NAV2: variants seen among roughly 807,000 people sequenced by gnomAD.
NAV2 encodes helicase, APC down-regulated 1.
NAV2 carries 54 observed loss-of-function variants against 223.2 expected under a neutral mutation model. The observed-to-expected ratio is 0.24, with a 90% CI of 0.19 to 0.30. NAV2 has a LOEUF of 0.30. Among genes scored for constraint, NAV2 ranks in the 10% least tolerant of loss-of-function variants. NAV2 has a pLI of 1.00. For synonymous variants in NAV2, 1,279 were observed against 1,239.3 expected (o/e 1.03, Z -0.67); for missense variants, 2,806 against 3,147.5 (o/e 0.89, Z 2.60).
At chr11:20,116,698 C>T (rs1186255780) in intron 37 of NAV2, among the ~76,000 whole-genome samples, 1 of 152,236 alleles carries the variant, frequency 6.6e-6, no homozygotes, top group Non-Finnish European at 1.5e-5. Context: ...CAGATTTCTC[C>T]TTCCAACCCC....
Position 19,998,322 on chromosome 11 carries a change from C to CA in NAV2, c.2768+14076dup, listed in dbSNP as rs1219326680. Reference sequence around the variant, plus strand: ...CTCCCTCTCCTTCTCTCTCATTGGCCATGGTGCAGGGGTCTAGGCTGCCGT... The same window carrying CA: ...CTCCCTCTCCTTCTCTCTCATTGGCCAATGGTGCAGGGGTCTAGGCTGCCGT... On this transcript the variant is annotated intron_variant, in intron 11 of 37. Coordinates refer to ENST00000349880, the MANE Select transcript of NAV2 (RefSeq NM_145117.5). This position sits in a 1 kb window ranked among gnomAD's most constrained non-coding sequence, Gnocchi z 5.0. Among the ~76,000 whole-genome samples the CA allele has an allele frequency of 3.3e-5, 5 of 151,946 alleles. No individual in the cohort carries two copies. The highest frequency in any genetic ancestry group is 7.4e-5 in the Non-Finnish European group (5 of 67,986).
chr11:19,746,083 G>A (rs1288089582), intron 1 of NAV2, among the ~76,000 whole-genome samples: 2 of 152,210 alleles, frequency 1.3e-5, no homozygotes, highest in Non-Finnish European at 2.9e-5. Flanking sequence ...GAGAAGAGAA[G>A]TGATTTGTCC....
intron 6 of NAV2, among the ~76,000 whole-genome samples, chr11:19,899,801 C>T (rs1025155992): frequency 5.3e-5 from 8 of 152,182 alleles, no homozygotes; most frequent in African/African-American, 1.7e-4. Flanking sequence ...GAAAGAATGA[C>T]TTGTCCTGCC....
At chr11:19,441,742 T>C (rs1851410638) in intron 1 of NAV2, among the ~76,000 whole-genome samples, 2 of 152,130 alleles carry the variant, frequency 1.3e-5, no homozygotes, top group Non-Finnish European at 2.9e-5. Context: ...GCAGACAATT[T>C]ATCGGAGCCC....
At chr11:19,684,844 G>A (rs2016188) in intron 1 of NAV2, among the ~76,000 whole-genome samples, 15,533 of 152,242 alleles carry the variant, frequency 0.1, 924 homozygotes, top group South Asian at 0.15. Context: ...CATCCCTATG[G>A]GCTCAAGAGC....
At chr11:19,441,884 C>T (rs191734308) in intron 1 of NAV2, among the ~76,000 whole-genome samples, 3 of 152,306 alleles carry the variant, frequency 2.0e-5, no homozygotes, top group Admixed American at 2.0e-4. Flanking sequence ...TCTGGGAGCT[C>T]TCCTCTGGAC....
At chr11:19,897,122 C>G (rs1387495502) in intron 6 of NAV2, among the ~76,000 whole-genome samples, 1 of 151,922 alleles carries the variant, frequency 6.6e-6, no homozygotes. Flanking sequence ...TCTCAGCAAA[C>G]TATCACAAGG....
At position 19,639,403 on chromosome 11, in the gene NAV2, C is replaced by A. The variant is rs144478809; in HGVS notation, c.76-193081C>A. Among the ~76,000 whole-genome samples the A allele has an allele frequency of 7.9e-5, 12 of 152,318 alleles. No homozygotes were observed. In the East Asian group the frequency reaches 2.1e-3, roughly 27 times the overall value. ...GGGGCCCCTGGAGCCCCCTCCACCA[C>A]CATCACCATAACTATTTTTAAGTTC... is the stretch of plus-strand genomic sequence containing the variant. On this transcript the variant is annotated intron_variant, in intron 1 of 37. Coordinates refer to the NAV2 transcript ENST00000360655.
At chr11:19,991,606 A>G (rs578098642) in intron 11 of NAV2, among the ~76,000 whole-genome samples, 1 of 152,384 alleles carries the variant, frequency 6.6e-6, no homozygotes, top group African/African-American at 2.4e-5. Flanking sequence ...ATAAACGAGT[A>G]TAGCATTAAG....
intron 1 of NAV2, among the ~76,000 whole-genome samples, chr11:19,436,892 G>GTC (rs1851236295): frequency 6.6e-6 from 1 of 151,972 alleles, no homozygotes; most frequent in African/African-American, 2.4e-5. Flanking sequence ...TTCATTGTTA[G>GTC]TGTATAGAAA....
intron 1 of NAV2, among the ~76,000 whole-genome samples, chr11:19,495,155 A>G (rs2042753946): frequency 6.6e-6 from 1 of 152,218 alleles, no homozygotes; most frequent in Non-Finnish European, 1.5e-5. Flanking sequence ...CTGTCAGCTC[A>G]GCCTGTGACA....
chr11:19,591,352 CA>C (rs2046054150), intron 1 of NAV2: 1 of 152,212 alleles, frequency 6.6e-6, no homozygotes, highest in South Asian at 2.1e-4. Context: ...TGTCACGGTC[CA>C]GGATAGTTTC....
At chr11:19,695,883 G>GGAATAATA (rs2049318006) in intron 1 of NAV2, among the ~76,000 whole-genome samples, 3 of 8,474 alleles carry the variant, frequency 3.5e-4, no homozygotes, top group Non-Finnish European at 1.4e-3. Flanking sequence ...CAGCCTGGAT[G>GGAATAATA]AAATAATAAA....
At chr11:20,076,960 G>T (rs748276595) in intron 22 of NAV2, among the ~76,000 whole-genome samples, 7 of 152,184 alleles carry the variant, frequency 4.6e-5, no homozygotes, top group Non-Finnish European at 8.8e-5. Flanking sequence ...GGAGGTAGCA[G>T]ATGGGCCTTT....
At chr11:19,552,961 C>T (rs1214795464) in intron 1 of NAV2, among the ~76,000 whole-genome samples, 5 of 152,054 alleles carry the variant, frequency 3.3e-5, no homozygotes, top group African/African-American at 7.2e-5. Flanking sequence ...GAAAGGAACG[C>T]GTAAGCTGAA....
chr11:19,456,822 C>T (rs1851974788), intron 1 of NAV2, among the ~76,000 whole-genome samples: 1 of 152,192 alleles, frequency 6.6e-6, no homozygotes, highest in African/African-American at 2.4e-5. Flanking sequence ...CTGGACTGCT[C>T]CTTCCCAGGA....
intron 1 of NAV2, among the ~76,000 whole-genome samples, chr11:19,801,548 C>T (rs2058256012): frequency 6.6e-6 from 1 of 152,206 alleles, no homozygotes; most frequent in Admixed American, 6.5e-5. Context: ...GCAGTTTCGG[C>T]CTCCACCTGA....
At chr11:19,714,224 G>A (rs1469602116) in intron 1 of NAV2, 1 of 683,570 alleles carries the variant, frequency 1.5e-6, no homozygotes, top group African/African-American at 1.8e-5. Context: ...TCCTGGGGAG[G>A]AGGAAAGGTC....
At chr11:19,981,078 A>T (rs2050248438) in intron 10 of NAV2, among the ~76,000 whole-genome samples, 1 of 152,182 alleles carries the variant, frequency 6.6e-6, no homozygotes, top group South Asian at 2.1e-4. Flanking sequence ...ATAGACTTGC[A>T]GTCTTGAAAC....
Sources: allele counts gnomAD v4.1 joint callset (sites outside exome capture counted in the v4.1 genomes callset), GRCh38; gene constraint gnomAD v4.1.1; non-coding constraint Gnocchi (gnomAD v3.1); transcripts MANE v1.5; gene names NCBI Gene and HGNC (gene_info 2026-07-23, HGNC 2026-07-21).